Variants in SIK3 observed in about 807,000 individuals in gnomAD.
SIK3 encodes the protein serine/threonine-protein kinase SIK3.
In SIK3, 28 loss-of-function variants were observed where a neutral mutation model predicts 144.2. That is an observed-to-expected ratio of 0.19 (90% CI 0.14 to 0.27). The LOEUF is 0.27. Ranked by LOEUF, SIK3 falls within the 10% of genes least tolerant of loss-of-function variation. The pLI, the probability that SIK3 is intolerant of heterozygous loss-of-function variation, is 1.00. For missense variants in SIK3, 1,319 were observed against 1,776.0 expected (o/e 0.74, Z 4.62); for synonymous variants, 686 against 676.3 (o/e 1.01, Z -0.22).
In SIK3 at chr11:117,091,800, T is replaced by C. The variant is rs1473795613; in HGVS notation, c.273+6343A>G. Among the ~76,000 whole-genome samples the C allele has an allele frequency of 2.0e-5, 3 of 152,184 alleles. No individual in the cohort carries two copies. The East Asian group carries it at 5.8e-4, about 29-fold the overall frequency. On this transcript the variant is annotated intron_variant, in intron 1 of 24. Coordinates refer to ENST00000445177, the MANE Select transcript of SIK3 (RefSeq NM_001366686.3). ...CTGTTTTTCTTTTGGTTTGTTTTCC[T>C]GAGACAGGGTTTCACTCTGTCACCC...
At chr11:117,034,854 C>T (rs1294945849) in intron 1 of SIK3, among the ~76,000 whole-genome samples, 1 of 152,160 alleles carries the variant, frequency 6.6e-6, no homozygotes, top group Non-Finnish European at 1.5e-5. Context: ...AAAAACCAAA[C>T]TTATTTTTTG....
chr11:117,061,053 G>A (rs1434390073), intron 1 of SIK3, among the ~76,000 whole-genome samples: 1 of 152,068 alleles, frequency 6.6e-6, no homozygotes, highest in African/African-American at 2.4e-5. Context: ...TTGAGACCAG[G>A]CAGGGCTAAC....
intron 1 of SIK3, among the ~76,000 whole-genome samples, chr11:117,014,780 C>T (rs192885412): frequency 2.6e-4 from 40 of 152,232 alleles, no homozygotes; most frequent in Admixed American, 5.9e-4. Flanking sequence ...TAAATTAAAA[C>T]GATTTTTAAG....
At chr11:117,067,206 C>T (rs868839842) in intron 1 of SIK3, among the ~76,000 whole-genome samples, 1 of 152,260 alleles carries the variant, frequency 6.6e-6, no homozygotes, top group Middle Eastern at 3.4e-3. Context: ...TGAAAACATA[C>T]ATCTACGCAA....
At chr11:116,891,575 T>C (rs1191590952) in intron 6 of SIK3, among the ~76,000 whole-genome samples, 2 of 152,194 alleles carry the variant, frequency 1.3e-5, no homozygotes, top group Admixed American at 6.5e-5. Context: ...TGCCACCTTA[T>C]GGAGTAAACT....
intron 3 of SIK3, among the ~76,000 whole-genome samples, chr11:116,928,111 A>T (rs1000479580): frequency 6.6e-6 from 1 of 152,364 alleles, no homozygotes; most frequent in Middle Eastern, 3.4e-3. Flanking sequence ...TAACTAAGGT[A>T]TATCAAAAGA....
At chr11:116,971,989 G>A (rs748406967) in intron 1 of SIK3, among the ~76,000 whole-genome samples, 4 of 151,710 alleles carry the variant, frequency 2.6e-5, no homozygotes, top group Non-Finnish European at 4.4e-5. Flanking sequence ...TCCAGAGGCT[G>A]AGCAGAGAAC....
intron 1 of SIK3, among the ~76,000 whole-genome samples, chr11:117,003,502 C>A (rs1347272912): frequency 6.6e-6 from 1 of 151,970 alleles, no homozygotes; most frequent in Non-Finnish European, 1.5e-5. Flanking sequence ...AAAATATATT[C>A]AATGCTGGCT....
intron 1 of SIK3, among the ~76,000 whole-genome samples, chr11:117,048,716 T>TA (rs1428976765): frequency 6.6e-6 from 1 of 152,102 alleles, no homozygotes; most frequent in Non-Finnish European, 1.5e-5. Context: ...CAGTATCTAC[T>TA]AAGAAAGGTC....
At chr11:117,093,967 G>C (rs1955360617) in intron 1 of SIK3, among the ~76,000 whole-genome samples, 1 of 152,138 alleles carries the variant, frequency 6.6e-6, no homozygotes, top group African/African-American at 2.4e-5. Flanking sequence ...TAACGATGAT[G>C]ATGATGGTAA....
At chr11:116,875,600 GCATC>G in intron 9 of SIK3, 149 bp from the exon 10 acceptor site, 1 of 883,318 alleles carries the variant, frequency 1.1e-6, no homozygotes. Flanking sequence ...CAACAAGGAA[GCATC>G]CTGTGAAGAG....
intron 1 of SIK3, among the ~76,000 whole-genome samples, chr11:117,047,746 C>A (rs1304199339): frequency 6.6e-6 from 1 of 152,046 alleles, no homozygotes; most frequent in Non-Finnish European, 1.5e-5. Flanking sequence ...AGTTTGAGAC[C>A]AGCCTGGGCA....
intron 2 of SIK3, among the ~76,000 whole-genome samples, chr11:116,955,727 G>A (rs529577446): frequency 6.6e-6 from 1 of 152,294 alleles, no homozygotes; most frequent in African/African-American, 2.4e-5. Context: ...TAGGTCTTCA[G>A]GCAGCACCAG....
rs76297751 is a variant in SIK3, at chr11:117,013,751, A to T, written c.274-56687T>A. On this transcript the variant is annotated intron_variant, in intron 1 of 24. Transcript: ENST00000445177. ...CTCAGACCCCTTATCAATCTGAGGA[A>T]CCAAAATCAAGAACTACATACTTAA... is the stretch of plus-strand genomic sequence containing the variant. 1.4e-3 allele frequency among the ~76,000 whole-genome samples: 211 copies of T among 151,658 alleles called. 4 individuals carry two copies. The East Asian group carries it at 0.039, about 28-fold the overall frequency.
At chr11:116,904,562 G>T (rs1945923510) in intron 4 of SIK3, among the ~76,000 whole-genome samples, 1 of 151,836 alleles carries the variant, frequency 6.6e-6, no homozygotes, top group South Asian at 2.1e-4. Flanking sequence ...TTTGGCTCAT[G>T]ACACACTCTC....
intron 1 of SIK3, among the ~76,000 whole-genome samples, chr11:117,089,729 C>T (rs1010403060): frequency 7.9e-5 from 12 of 152,090 alleles, no homozygotes; most frequent in African/African-American, 2.9e-4. Context: ...TTTTTCAGAA[C>T]TTCATCAAAA....
At chr11:117,065,918 C>T (rs1316567254) in intron 1 of SIK3, among the ~76,000 whole-genome samples, 3 of 151,962 alleles carry the variant, frequency 2.0e-5, no homozygotes, top group East Asian at 1.9e-4. Context: ...AGGTGTGAGC[C>T]GCCAAACCTG....
At chr11:117,015,596 C>T (rs1252532344) in intron 1 of SIK3, among the ~76,000 whole-genome samples, 1 of 145,810 alleles carries the variant, frequency 6.9e-6, no homozygotes, top group East Asian at 2.0e-4. Flanking sequence ...TTTTTTGAGA[C>T]GTTGTTTCAC....
chr11:116,896,539 T>A (rs1177525927), intron 5 of SIK3, among the ~76,000 whole-genome samples, 163 bp from the exon 6 acceptor site: 3 of 152,248 alleles, frequency 2.0e-5, no homozygotes, highest in Non-Finnish European at 2.9e-5. Flanking sequence ...CTTCTAGGCA[T>A]TAATTTAGGG....
Sources: gnomAD v4.1 joint callset for allele counts (sites outside exome capture counted in the v4.1 genomes callset) on GRCh38, gnomAD v4.1.1 for gene constraint, MANE v1.5 for transcripts, NCBI Gene and HGNC (gene_info 2026-07-23, HGNC 2026-07-21) for gene names.